The following MACF1 variants were observed in gnomAD, a reference collection of about 807,000 sequenced individuals.
The protein encoded by MACF1 is microtubule actin crosslinking factor 1, also known as microtubule-actin cross-linking factor 1.
Under a neutral mutation model 854.8 loss-of-function variants are expected in MACF1, and 193 were observed. The ratio of observed to expected loss-of-function variants is 0.23; its 90% CI spans 0.20 to 0.25. MACF1 has a LOEUF of 0.25. MACF1 is among the 10% of genes least tolerant of loss of function. The pLI is 1.00. For synonymous variants in MACF1, 3,185 were observed against 3,226.7 expected (o/e 0.99, Z 0.44); for missense variants, 7,722 against 8,929.1 (o/e 0.86, Z 5.45).
rs556337711 is a variant in MACF1, at chr1:39,285,719, G to A, written c.1469G>A (p.Arg490Gln). ...CTGCAGGTGGATCTCCAGATCCTGC[G>A]GGATGAGAATTACTACCAGCTAGAA... ...RQLQVDLQIL[R>Q]DENYYQLEEL... Residue 490 changes from arginine (R) to glutamine (Q), a missense_variant, in exon 14 of 101, where the codon CGG becomes CAG. Arg to Gln is a conservative substitution (Grantham distance 43, BLOSUM62 1). Around this residue, in one of 15 missense-constraint regions of MACF1, gnomAD observed 1,137 missense variants for 1,263.0 expected, o/e 0.90. Coordinates refer to ENST00000564288, the MANE Select transcript of MACF1 (RefSeq NM_001394062.1). 5 of 1,614,106 alleles carry A rather than the reference G, an allele frequency of 3.1e-6. No individual in the cohort carries two copies. Among genetic ancestry groups the A allele is most frequent in the East Asian group, 2.2e-5 (1 of 44,876 alleles).
chr1:39,448,803 C>T (rs1306017468), intron 84 of MACF1, 40 bp downstream of exon 84: 2 of 1,475,204 alleles, frequency 1.4e-6, no homozygotes, highest in Non-Finnish European at 9.1e-7. Flanking sequence ...AACCGGGATC[C>T]CAAAAGCAAG....
chr1:39,192,728 G>GTGAT (rs1644270782), intron 2 of MACF1, among the ~76,000 whole-genome samples: 1 of 152,210 alleles, frequency 6.6e-6, no homozygotes, highest in African/African-American at 2.4e-5. Context: ...CACTAATCTA[G>GTGAT]TGATAAATGA....
chr1:39,155,785 T>A (rs530363598), intron 2 of MACF1, among the ~76,000 whole-genome samples: 2 of 152,374 alleles, frequency 1.3e-5, no homozygotes, highest in South Asian at 4.1e-4. Flanking sequence ...AATGGCACGA[T>A]CTTGGCTCAC....
intron 68 of MACF1, among the ~76,000 whole-genome samples, chr1:39,433,817 C>T (rs1044834987): frequency 2.0e-5 from 3 of 152,142 alleles, no homozygotes; most frequent in African/African-American, 2.4e-5. Context: ...CGGTGGCTCA[C>T]GCCTGTAATC....
intron 95 of MACF1, 56 bp downstream of exon 95, chr1:39,465,168 T>A (rs1644638841): frequency 6.5e-7 from 1 of 1,548,992 alleles, no homozygotes; most frequent in African/African-American, 1.4e-5. Flanking sequence ...GTGTAGCTAA[T>A]GCTGCCTGTT....
At chr1:39,443,060 A>G in intron 78 of MACF1, 149 bp downstream of exon 78, 1 of 748,698 alleles carries the variant, frequency 1.3e-6, no homozygotes, top group Non-Finnish European at 2.1e-6. Flanking sequence ...ATCTAGAAAG[A>G]GCAGCTTTTG....
Position 39,332,088 on chromosome 1 carries a change from G to A in MACF1, c.5500G>A (p.Ala1834Thr). ...TGAAGCAGTGAGCAATGATCTAGTA[G>A]CTGCTAAGATCGCCCTTGTGATTCT... The part of the protein sequence containing the change: ...IDEAVSNDLV[A>T]AKIALVILES... Residue 1834 changes from alanine (A) to threonine (T), a missense_variant, in exon 37 of 101, where the codon GCT becomes ACT. Around this residue, in one of 15 missense-constraint regions of MACF1, gnomAD observed 1,531 missense variants for 1,601.6 expected, o/e 0.96. Coordinates refer to ENST00000564288, the MANE Select transcript of MACF1 (RefSeq NM_001394062.1). 8 of 1,614,128 alleles carry A rather than the reference G, an allele frequency of 5.0e-6. No homozygotes were observed. Among genetic ancestry groups the A allele is most frequent in the Non-Finnish European group, 6.8e-6 (8 of 1,180,012 alleles).
At chr1:39,121,869 T>C (rs2148158881) in intron 2 of MACF1, among the ~76,000 whole-genome samples, 1 of 152,324 alleles carries the variant, frequency 6.6e-6, no homozygotes, top group African/African-American at 2.4e-5. Context: ...ACACAGCTAG[T>C]AAGTGACTGA....
chr1:39,301,022 AT>A (rs201336714), intron 22 of MACF1, among the ~76,000 whole-genome samples: 1,730 of 152,310 alleles, frequency 0.011, 97 homozygotes, highest in Admixed American at 0.097. Context: ...CTCAAAAAAA[AT>A]AAAAGGCATA....
chr1:39,334,929 G>A lies in MACF1; in HGVS notation c.8341G>A (p.Val2781Met), dbSNP rs201153897. Residue 2781 changes from valine to methionine, a missense_variant, in exon 37 of 101, where the codon GTG becomes ATG. By Grantham distance (21) the Val-to-Met change is conservative. Around this residue, in one of 15 missense-constraint regions of MACF1, gnomAD observed 1,531 missense variants for 1,601.6 expected, o/e 0.96. Coordinates refer to ENST00000564288, the MANE Select transcript of MACF1 (RefSeq NM_001394062.1). ...GATTGAAAAGCAAGAAGGGATTGAA[G>A]TGTGTGCATTACAAAATGAATTTCT... is the stretch of plus-strand genomic sequence containing the variant. The part of the protein sequence containing the change: ...AQIEKQEGIE[V>M]CALQNEFLGK... 2 of 1,614,190 alleles carry A rather than the reference G, an allele frequency of 1.2e-6. No homozygotes were observed. Among genetic ancestry groups the A allele is most frequent in the African/African-American group, 1.3e-5 (1 of 75,068 alleles).
chr1:39,393,858 A>G (rs1034716775), intron 58 of MACF1, among the ~76,000 whole-genome samples: 1 of 146,562 alleles, frequency 6.8e-6, no homozygotes, highest in African/African-American at 2.7e-5. Flanking sequence ...AGAGAGAGAG[A>G]GAGAGAGAAA....
intron 70 of MACF1, chr1:39,436,358 C>A: frequency 1.0e-6 from 1 of 972,760 alleles, no homozygotes; most frequent in South Asian, 1.4e-5. Context: ...AGTTTCTCCC[C>A]CCACCTTCCG....
chr1:39,130,133 A>G (rs1175870609), intron 2 of MACF1, among the ~76,000 whole-genome samples: 1 of 152,198 alleles, frequency 6.6e-6, no homozygotes, highest in Admixed American at 6.5e-5. Context: ...GAAGGGGAAA[A>G]GATCCCTTTC....
At chr1:39,343,631 T>A (rs1317213418) in intron 40 of MACF1, among the ~76,000 whole-genome samples, 1 of 152,228 alleles carries the variant, frequency 6.6e-6, no homozygotes, top group Admixed American at 6.5e-5. Context: ...GAGCCTTGTT[T>A]TTCTAGTGAT....
At chr1:39,170,028 G>A (rs980507530) in intron 2 of MACF1, among the ~76,000 whole-genome samples, 6 of 151,054 alleles carry the variant, frequency 4.0e-5, no homozygotes, top group South Asian at 2.1e-4. Flanking sequence ...TGATCCGCCC[G>A]CCTCTGCCTC....
intron 58 of MACF1, among the ~76,000 whole-genome samples, chr1:39,403,096 GTTTTGTTTTGTTTTGT>G (rs1225948191): frequency 6.8e-6 from 1 of 146,672 alleles, no homozygotes; most frequent in African/African-American, 2.5e-5. Flanking sequence ...GTTTTGTTTT[GTTTTGTTTTGTTTTGT>G]TTTGAGATGG....
intron 40 of MACF1, among the ~76,000 whole-genome samples, chr1:39,343,305 C>T (rs769853396): frequency 6.6e-6 from 1 of 152,160 alleles, no homozygotes; most frequent in Non-Finnish European, 1.5e-5. Flanking sequence ...CTCCCTCTTC[C>T]CCAATCTTAA....
At chr1:39,087,558 C>T (rs932653256) in intron 2 of MACF1, among the ~76,000 whole-genome samples, 1 of 152,240 alleles carries the variant, frequency 6.6e-6, no homozygotes, top group Non-Finnish European at 1.5e-5. Context: ...CAGCCATATT[C>T]TCAACTCCCT....
intron 56 of MACF1, among the ~76,000 whole-genome samples, chr1:39,383,593 A>G (rs1323347785): frequency 6.6e-6 from 1 of 152,174 alleles, no homozygotes; most frequent in Non-Finnish European, 1.5e-5. Context: ...TAAGAGTGGC[A>G]TTGGCCGGGC....
Sources: gnomAD v4.1 joint callset for allele counts (sites outside exome capture counted in the v4.1 genomes callset) on GRCh38, gnomAD v4.1.1 for gene constraint, gnomAD v4.1.1 regional missense constraint, MANE v1.5 for transcripts, NCBI Gene and HGNC (gene_info 2026-07-23, HGNC 2026-07-21) for gene names.